Variants in SLC24A3 observed in about 807,000 individuals in gnomAD.
The protein encoded by SLC24A3 is solute carrier family 24 member 3.
A neutral mutation model predicts 75.8 loss-of-function variants in SLC24A3; 28 were observed. The observed-to-expected ratio is 0.37, with a 90% confidence interval of 0.27 to 0.51. SLC24A3 has a LOEUF of 0.51. SLC24A3 is among the 20% of genes least tolerant of loss of function. The probability of loss-of-function intolerance (pLI) is 0.94; values close to 1 mark genes in which losing one functional copy is unlikely to be tolerated. For missense variants in SLC24A3, 663 were observed against 847.8 expected (o/e 0.78, Z 2.71); for synonymous variants, 372 against 334.1 (o/e 1.11, Z -1.24).
intron 9 of SLC24A3, among the ~76,000 whole-genome samples, chr20:19,678,889 C>A (rs1377330374): frequency 6.6e-6 from 1 of 151,182 alleles, no homozygotes; most frequent in Non-Finnish European, 1.5e-5. Flanking sequence ...CAGAGGCTCT[C>A]CTCACATCCG....
intron 16 of SLC24A3, among the ~76,000 whole-genome samples, chr20:19,719,381 G>T (rs997090828): frequency 2.6e-5 from 4 of 152,160 alleles, no homozygotes; most frequent in Admixed American, 2.6e-4. Context: ...CAGGGATGGA[G>T]TTGGGGCATG....
intron 6 of SLC24A3, among the ~76,000 whole-genome samples, chr20:19,602,925 G>C: frequency 6.6e-6 from 1 of 152,178 alleles, no homozygotes; most frequent in Non-Finnish European, 1.5e-5. Flanking sequence ...GCTGAGGGGG[G>C]CTCATCACAC....
intron 6 of SLC24A3, among the ~76,000 whole-genome samples, chr20:19,603,427 T>C (rs886309503): frequency 1.2e-4 from 18 of 152,162 alleles, no homozygotes; most frequent in African/African-American, 4.3e-4. Context: ...TGATGGATGT[T>C]TCTGAGGTTG....
intron 12 of SLC24A3, among the ~76,000 whole-genome samples, chr20:19,688,614 T>C (rs1346747673): frequency 6.6e-6 from 1 of 152,234 alleles, no homozygotes; most frequent in Non-Finnish European, 1.5e-5. Context: ...GTCAAGTTCC[T>C]GTGGACTGAA....
chr20:19,344,854 C>T (rs545004673), intron 2 of SLC24A3, among the ~76,000 whole-genome samples: 8 of 152,088 alleles, frequency 5.3e-5, no homozygotes, highest in Non-Finnish European at 8.8e-5. Flanking sequence ...TACTACTCCA[C>T]GTCACATGGA....
At chr20:19,476,855 G>C (rs768662732) in intron 2 of SLC24A3, among the ~76,000 whole-genome samples, 5 of 152,096 alleles carry the variant, frequency 3.3e-5, no homozygotes, top group Non-Finnish European at 7.4e-5. Flanking sequence ...ATGCCTGCTT[G>C]CTCATTAATC....
At chr20:19,522,139 A>G (rs1394197102) in intron 3 of SLC24A3, among the ~76,000 whole-genome samples, 2 of 152,174 alleles carry the variant, frequency 1.3e-5, no homozygotes, top group African/African-American at 4.8e-5. Context: ...TTAAATTAAC[A>G]TAAATGTAGA....
At chr20:19,224,707 G>GA (rs1981829074) in intron 1 of SLC24A3, among the ~76,000 whole-genome samples, 1 of 152,056 alleles carries the variant, frequency 6.6e-6, no homozygotes, top group Admixed American at 6.6e-5. Flanking sequence ...AAACTCTTGG[G>GA]GACCATTGAA....
chr20:19,346,130 ATATATATGGTGTGTG>A (rs1478766860), intron 2 of SLC24A3, among the ~76,000 whole-genome samples: 2,828 of 100,762 alleles, frequency 0.028, 1,038 homozygotes, highest in African/African-American at 0.098. Flanking sequence ...GTGTGTATAT[ATATATATGGTGTGTG>A]TATATATATA....
Position 19,698,620 on chromosome 20 carries a change from C to A in SLC24A3, c.1659C>A (p.Ile553=), listed in dbSNP as rs2032838409. 2.5e-6 allele frequency: 4 copies of A among 1,596,262 alleles called. No homozygotes were observed. The highest frequency in any genetic ancestry group is 3.4e-6 in the Non-Finnish European group (4 of 1,169,636). Residue 553 remains isoleucine (I), a synonymous_variant, in exon 15 of 17, where the codon ATC becomes ATA. Transcript: ENST00000328041. The part of the protein sequence containing the change: ...SNSIGSNVFD[I]LIGLGLPWAL... Reference sequence around the variant, plus strand: ...CCATTGGGAGCAACGTGTTTGACATCCTGATTGGCCTCGGTCTCCCCTGGG... The same window carrying A: ...CCATTGGGAGCAACGTGTTTGACATACTGATTGGCCTCGGTCTCCCCTGGG...
At chr20:19,286,720 G>T (rs545896640) in intron 2 of SLC24A3, among the ~76,000 whole-genome samples, 1 of 152,170 alleles carries the variant, frequency 6.6e-6, no homozygotes, top group Non-Finnish European at 1.5e-5. Context: ...AGCTACAAGC[G>T]TACTTTTAAA....
chr20:19,454,882 T>C (rs1172465753), intron 2 of SLC24A3, among the ~76,000 whole-genome samples: 1 of 152,150 alleles, frequency 6.6e-6, no homozygotes, highest in Non-Finnish European at 1.5e-5. Context: ...TATTTTCTAG[T>C]TTTCATCAGT....
At position 19,445,287 on chromosome 20, in the gene SLC24A3, A is replaced by T. The variant is rs994045285; in HGVS notation, c.272-70201A>T. 2.0e-5 allele frequency among the ~76,000 whole-genome samples: 3 copies of T among 152,174 alleles called. No individual in the cohort carries two copies. The East Asian group carries it at 5.8e-4, about 29-fold the overall frequency. ...TTCTACTGATTTGGGTTACAACCTT[A>T]ATTACTCCTACATCAACAATGTGGA... On this transcript the variant is annotated intron_variant, in intron 2 of 16. Transcript: ENST00000328041.
chr20:19,342,766 A>G (rs1336356526), intron 2 of SLC24A3, among the ~76,000 whole-genome samples: 1 of 152,146 alleles, frequency 6.6e-6, no homozygotes, highest in African/African-American at 2.4e-5. Context: ...TGATAGATGT[A>G]TAAGAGTTTG....
intron 2 of SLC24A3, among the ~76,000 whole-genome samples, chr20:19,399,349 A>G (rs1232395541): frequency 6.6e-6 from 1 of 152,056 alleles, no homozygotes; most frequent in African/African-American, 2.4e-5. Flanking sequence ...AGCTGAGATC[A>G]CTGATTTGAA....
rs1356875144 is a variant in SLC24A3, at chr20:19,273,461, G to T, written c.143-7498G>T. ...TCAGGACTTCTGCTTTCTCTGTGCC[G>T]CCAGCCCAGCCACTGGGGGTGGAAA... On this transcript the variant is annotated intron_variant, in intron 1 of 16. Transcript: ENST00000328041. Among the ~76,000 whole-genome samples the T allele has an allele frequency of 2.0e-5, 3 of 152,224 alleles. No individual in the cohort carries two copies. The South Asian group carries it at 6.2e-4, about 32-fold the overall frequency.
At chr20:19,666,460 C>T (rs1419636372) in intron 8 of SLC24A3, among the ~76,000 whole-genome samples, 12 of 152,014 alleles carry the variant, frequency 7.9e-5, no homozygotes. Context: ...GAGCCAAGAT[C>T]ACACCACTGC....
intron 8 of SLC24A3, among the ~76,000 whole-genome samples, chr20:19,671,637 T>G (rs1355079033): frequency 8.4e-6 from 1 of 119,696 alleles, no homozygotes; most frequent in Non-Finnish European, 1.8e-5. Flanking sequence ...CCAGGGTTGG[T>G]TTTTTTTTTG....
intron 9 of SLC24A3, among the ~76,000 whole-genome samples, chr20:19,675,725 A>G (rs914049634): frequency 6.6e-6 from 1 of 152,204 alleles, no homozygotes; most frequent in Non-Finnish European, 1.5e-5. Context: ...TAAAAATACC[A>G]ATAGATGAGC....
Sources: gnomAD v4.1 joint callset for allele counts (sites outside exome capture counted in the v4.1 genomes callset) on GRCh38, gnomAD v4.1.1 for gene constraint, MANE v1.5 for transcripts, NCBI Gene and HGNC (gene_info 2026-07-23, HGNC 2026-07-21) for gene names.